IFT74: variants seen among roughly 807,000 people sequenced by gnomAD.
IFT74 encodes the protein intraflagellar transport 74, also known as intraflagellar transport protein 74 homolog.
A neutral mutation model predicts 96.7 loss-of-function variants in IFT74; 92 were observed. The observed-to-expected ratio is 0.95, with a 90% CI of 0.80 to 1.13. The LOEUF (loss-of-function observed/expected upper bound fraction) is 1.13. Ranked by LOEUF, IFT74 falls within the 50% of genes most tolerant of loss-of-function variation. The pLI, the probability that IFT74 is intolerant of heterozygous loss-of-function variation, is 0.00. For synonymous variants in IFT74, 223 were observed against 213.2 expected (o/e 1.05, Z -0.40); for missense variants, 811 against 698.2 (o/e 1.16, Z -1.82).
At chr9:26,998,163 G>C (rs1425518640) in intron 8 of IFT74, 1 of 1,597,960 alleles carries the variant, frequency 6.3e-7, no homozygotes, top group East Asian at 2.2e-5. Flanking sequence ...TTATAACTGA[G>C]ATCAAGTATA....
At chr9:27,043,269 T>A (rs150148609) in intron 13 of IFT74, among the ~76,000 whole-genome samples, 15 of 152,334 alleles carry the variant, frequency 9.8e-5, no homozygotes, top group Non-Finnish European at 2.2e-4. Context: ...ACATAAGATT[T>A]TCTCAGCATC....
At chr9:26,979,049 G>C (rs918231116) in intron 3 of IFT74, among the ~76,000 whole-genome samples, 5 of 152,024 alleles carry the variant, frequency 3.3e-5, no homozygotes, top group Non-Finnish European at 7.4e-5. Flanking sequence ...ATTTTTGACA[G>C]ATGATCTATC....
chr9:27,034,856 C>G (rs1261496710), intron 13 of IFT74, among the ~76,000 whole-genome samples: 1 of 152,132 alleles, frequency 6.6e-6, no homozygotes, highest in Admixed American at 6.5e-5. Flanking sequence ...AAGCACATGT[C>G]CTGTTACTAG....
At chr9:27,032,793 G>A (rs1408749963) in intron 13 of IFT74, among the ~76,000 whole-genome samples, 1 of 151,860 alleles carries the variant, frequency 6.6e-6, no homozygotes, top group Non-Finnish European at 1.5e-5. Context: ...TTGAACTCGG[G>A]AGGCAGAGGT....
intron 8 of IFT74, among the ~76,000 whole-genome samples, chr9:27,002,034 C>T (rs1278008280): frequency 6.6e-6 from 1 of 151,736 alleles, no homozygotes; most frequent in Non-Finnish European, 1.5e-5. Context: ...AGGAAACTTA[C>T]AATCATGGTG....
Position 26,990,146 on chromosome 9 carries a change from A to G in IFT74, c.538A>G (p.Asn180Asp). Residue 180 changes from asparagine (N) to aspartate (D), a missense_variant, in exon 8 of 20, where the codon AAT becomes GAT. Physicochemically the swap from Asn to Asp is conservative, Grantham distance 23. Coordinates refer to ENST00000380062, the MANE Select transcript of IFT74 (RefSeq NM_025103.4). ...MNDYNMLKAQNDRETQSLDVI... is the reference protein window; with the variant it reads ...MNDYNMLKAQDDRETQSLDVI... Reference sequence around the variant, plus strand: ...TAACTTTATTCAGCTTAAAGCTCAAAATGATCGAGAAACACAAAGTTTGGA... The same window carrying G: ...TAACTTTATTCAGCTTAAAGCTCAAGATGATCGAGAAACACAAAGTTTGGA... 1.3e-6 allele frequency: 2 copies of G among 1,502,270 alleles called. No individual in the cohort carries two copies. The highest frequency in any genetic ancestry group is 2.5e-5 in the East Asian group (1 of 40,192). 93.1% of individuals were successfully genotyped at this position (1,502,270 alleles called of 1,614,324 possible).
In IFT74 at chr9:26,980,606, C is replaced by T. The variant is rs1011850876; in HGVS notation, c.292C>T (p.Leu98Phe). 6 of 1,600,532 alleles carry T rather than the reference C, an allele frequency of 3.7e-6. No homozygotes were observed. In the African/African-American group the frequency reaches 4.0e-5, roughly 11 times the overall value. ...GCAAATTTTAGACAAATCTTACTAT[C>T]TTGGGCTTCTTAGGTATGTTAAACA... Reference protein sequence around the residue: ...QRQILDKSYYLGLLRSKISEL... With the variant: ...QRQILDKSYYFGLLRSKISEL... Residue 98 changes from leucine to phenylalanine, a missense_variant, in exon 4 of 20, where the codon CTT becomes TTT. Coordinates refer to ENST00000380062, the MANE Select transcript of IFT74 (RefSeq NM_025103.4).
chr9:27,056,661 C>CT (rs1820173802), intron 18 of IFT74, among the ~76,000 whole-genome samples: 1 of 152,022 alleles, frequency 6.6e-6, no homozygotes, highest in African/African-American at 2.4e-5. Context: ...AAAGCCAACT[C>CT]TGTTAGATAC....
upstream of IFT74, among the ~76,000 whole-genome samples, chr9:26,951,990 A>G (rs945743379): frequency 1.3e-5 from 2 of 152,254 alleles, no homozygotes; most frequent in African/African-American, 4.8e-5. Context: ...ACATGACAGA[A>G]AATGTTTCAA....
In IFT74 at chr9:26,950,095, A is replaced by G. The variant is rs1386463947; in HGVS notation, c.-20+2949A>G. Reference sequence around the variant, plus strand: ...TGGGAGGCCAAGGCAGGTGGATCACAAGGTCAGGAGATCGAGACCATCCTG... The same window carrying G: ...TGGGAGGCCAAGGCAGGTGGATCACGAGGTCAGGAGATCGAGACCATCCTG... On this transcript the variant is annotated intron_variant, in intron 1 of 19. Coordinates refer to the IFT74 transcript ENST00000433700. 2.6e-5 allele frequency among the ~76,000 whole-genome samples: 4 copies of G among 152,058 alleles called. No individual in the cohort carries two copies. In the East Asian group the frequency reaches 7.7e-4, roughly 29 times the overall value.
chr9:26,980,300 A>G (rs1029262002), intron 3 of IFT74, among the ~76,000 whole-genome samples: 4 of 152,054 alleles, frequency 2.6e-5, no homozygotes, highest in African/African-American at 4.8e-5. Context: ...CTTAGACTCA[A>G]TTTTCATTCC....
At chr9:27,018,606 G>GT (rs1563979019) in intron 11 of IFT74, 41 bp from the exon 12 acceptor site, 1 of 1,143,092 alleles carries the variant, frequency 8.7e-7, no homozygotes, top group East Asian at 2.4e-5. Flanking sequence ...CTTACAATGA[G>GT]TTATTTTTTT....
At chr9:26,953,023 A>G (rs1825981463), upstream of IFT74, among the ~76,000 whole-genome samples, 1 of 152,210 alleles carries the variant, frequency 6.6e-6, no homozygotes, top group South Asian at 2.1e-4. Context: ...ACAGGGAAAA[A>G]AATAGAAACA....
intron 2 of IFT74, among the ~76,000 whole-genome samples, chr9:26,975,539 C>T (rs1264283754): frequency 2.0e-5 from 3 of 152,126 alleles, no homozygotes; most frequent in Non-Finnish European, 4.4e-5. Flanking sequence ...TAACATAAGT[C>T]CCAAGGGACT....
At chr9:27,051,070 GTGTACTTGA>G (rs1360829990) in intron 16 of IFT74, among the ~76,000 whole-genome samples, 7 of 151,986 alleles carry the variant, frequency 4.6e-5, no homozygotes, top group Non-Finnish European at 8.8e-5. Flanking sequence ...AGAAATATTC[GTGTACTTGA>G]TGACAAGGTA....
At chr9:26,997,401 T>C (rs1828220312) in intron 8 of IFT74, among the ~76,000 whole-genome samples, 1 of 146,452 alleles carries the variant, frequency 6.8e-6, no homozygotes, top group Non-Finnish European at 1.5e-5. Context: ...TGGCACGATC[T>C]CGGCTCACTG....
At chr9:26,956,134 CAT>C (rs1349623254), upstream of IFT74, 1 of 152,194 alleles carries the variant, frequency 6.6e-6, no homozygotes, top group Non-Finnish European at 1.5e-5. Context: ...TACCTAGGGA[CAT>C]AGCAAAACTC....
intron 9 of IFT74, 46 bp downstream of exon 9, chr9:27,009,204 AC>A (rs760206304): frequency 1.9e-6 from 3 of 1,548,328 alleles, no homozygotes; most frequent in Non-Finnish European, 2.6e-6. Flanking sequence ...CATTCTTGCT[AC>A]TAAAAGTATA....
Position 26,978,341 on chromosome 9 carries a change from TA to T in IFT74, c.256+82del, listed in dbSNP as rs1398174335. 7 of 1,453,188 alleles carry T rather than the reference TA, an allele frequency of 4.8e-6. No individual in the cohort carries two copies. In the East Asian group the frequency reaches 1.7e-4, roughly 35 times the overall value. The allele number at this position is 1,453,188 out of a possible 1,614,324, so 90.0% of individuals were successfully genotyped here. ...AATAACTGTGAACAATTTAAAAAAG[TA>T]AAAGTTGAGTATATTTTGAACAATA... is the stretch of plus-strand genomic sequence containing the variant. On this transcript the variant is annotated intron_variant, in intron 3 of 19. Coordinates refer to ENST00000380062, the MANE Select transcript of IFT74 (RefSeq NM_025103.4).
Sources: allele counts gnomAD v4.1 joint callset (sites outside exome capture counted in the v4.1 genomes callset), GRCh38; gene constraint gnomAD v4.1.1; transcripts MANE v1.5; gene names NCBI Gene and HGNC (gene_info 2026-07-23, HGNC 2026-07-21).